SDK1: variants seen among roughly 807,000 people sequenced by gnomAD.
SDK1 encodes sidekick cell adhesion molecule 1.
SDK1 carries 157 observed loss-of-function variants against 245.5 expected under a neutral mutation model. The ratio of observed to expected loss-of-function variants is 0.64; its 90% CI spans 0.56 to 0.73. The LOEUF (loss-of-function observed/expected upper bound fraction) is 0.73, where lower values mean the gene tolerates loss of function less well. SDK1 is among the 30% of genes least tolerant of loss of function. The pLI, the probability that SDK1 is intolerant of heterozygous loss-of-function variation, is 0.00. For synonymous variants in SDK1, 1,647 were observed against 1,278.5 expected, an observed-to-expected ratio of 1.29 and a Z score of -6.15; for missense variants, 3,583 against 3,002.3, an observed-to-expected ratio of 1.19 and a Z score of -4.52.
intron 22 of SDK1, among the ~76,000 whole-genome samples, chr7:4,104,789 A>G (rs1346117938): frequency 6.6e-6 from 1 of 151,872 alleles, no homozygotes; most frequent in Non-Finnish European, 1.5e-5. Flanking sequence ...TGCAGCCTTG[A>G]CATCCTGGGC....
chr7:4,165,302 T>G (rs1057134631), intron 32 of SDK1, among the ~76,000 whole-genome samples: 13 of 152,066 alleles, frequency 8.5e-5, no homozygotes, highest in Non-Finnish European at 1.8e-4. Flanking sequence ...GAGGTTGCAG[T>G]GAGCCAAGAT....
intron 1 of SDK1, among the ~76,000 whole-genome samples, chr7:3,382,047 A>T (rs991334102): frequency 1.3e-5 from 2 of 152,166 alleles, no homozygotes; most frequent in African/African-American, 4.8e-5. Context: ...AAAAAGCTAA[A>T]CACCTTCCCT....
chr7:3,472,146 C>G (rs77070244), intron 1 of SDK1, among the ~76,000 whole-genome samples: 11 of 152,008 alleles, frequency 7.2e-5, no homozygotes, highest in Admixed American at 6.5e-4. Context: ...ATGCATAGTT[C>G]CCTCCATTAC....
intron 32 of SDK1, among the ~76,000 whole-genome samples, chr7:4,168,150 C>G (rs1009887339): frequency 1.3e-5 from 2 of 152,200 alleles, no homozygotes; most frequent in Non-Finnish European, 2.9e-5. Context: ...GAAGATGACA[C>G]CTGCTAGCAG....
At chr7:3,444,721 C>T (rs2128589688) in intron 1 of SDK1, among the ~76,000 whole-genome samples, 1 of 152,250 alleles carries the variant, frequency 6.6e-6, no homozygotes, top group Non-Finnish European at 1.5e-5. Flanking sequence ...TTCAGTAGGC[C>T]AGTCCCCAGC....
intron 1 of SDK1, among the ~76,000 whole-genome samples, chr7:3,490,747 G>A (rs1254632747): frequency 6.6e-6 from 1 of 152,162 alleles, no homozygotes; most frequent in Non-Finnish European, 1.5e-5. Flanking sequence ...GTGAGCCCCT[G>A]AGCTCCTGTC....
intron 4 of SDK1, among the ~76,000 whole-genome samples, chr7:3,773,405 C>CT (rs1462496561): frequency 6.6e-6 from 1 of 151,404 alleles, no homozygotes; most frequent in Non-Finnish European, 1.5e-5. Flanking sequence ...GGTTTTCTGT[C>CT]TTTATTTATA....
At chr7:3,660,931 T>A (rs763582109) in intron 4 of SDK1, among the ~76,000 whole-genome samples, 8 of 152,240 alleles carry the variant, frequency 5.3e-5, no homozygotes, top group Non-Finnish European at 1.2e-4. Flanking sequence ...GATATGTGTA[T>A]ACTTTAATAG....
chr7:3,820,913 T>C (rs1343500906), intron 4 of SDK1, among the ~76,000 whole-genome samples: 4 of 152,210 alleles, frequency 2.6e-5, no homozygotes, highest in Admixed American at 2.6e-4. Context: ...GGCCTGGAGT[T>C]AATAATGATG....
chr7:4,256,101 G>A (rs1259658981), intron 44 of SDK1, among the ~76,000 whole-genome samples: 1 of 151,968 alleles, frequency 6.6e-6, no homozygotes, highest in East Asian at 1.9e-4. Context: ...TGTATTTTTA[G>A]TAGAGACGGG....
At chr7:3,833,488 C>A (rs1437967451) in intron 5 of SDK1, among the ~76,000 whole-genome samples, 1 of 152,162 alleles carries the variant, frequency 6.6e-6, no homozygotes, top group Non-Finnish European at 1.5e-5. Context: ...TTCTTCCTTT[C>A]TAATCCTTAA....
At chr7:3,629,077 G>C (rs1316586605) in intron 2 of SDK1, among the ~76,000 whole-genome samples, 4 of 151,816 alleles carry the variant, frequency 2.6e-5, no homozygotes, top group African/African-American at 9.7e-5. Context: ...CAGATCACGA[G>C]GTCAGGTGAT....
At chr7:4,197,959 G>A (rs6462638) in intron 35 of SDK1, among the ~76,000 whole-genome samples, 75,752 of 152,066 alleles carry the variant, frequency 0.5, 20,028 homozygotes, top group African/African-American at 0.67. Flanking sequence ...AGATGGTTTC[G>A]GAGGGTCCTC....
chr7:3,347,407 T>G (rs1780537813), intron 1 of SDK1, among the ~76,000 whole-genome samples: 1 of 152,156 alleles, frequency 6.6e-6, no homozygotes, highest in Non-Finnish European at 1.5e-5. Flanking sequence ...GCTGTTGGTC[T>G]TACTATGCCT....
chr7:3,630,269 G>A (rs1782250048), intron 2 of SDK1, among the ~76,000 whole-genome samples: 1 of 151,980 alleles, frequency 6.6e-6, no homozygotes, highest in Non-Finnish European at 1.5e-5. Context: ...GTGCAATAAG[G>A]CAAGAAAAAG....
chr7:4,265,514 T>A lies in SDK1; in HGVS notation c.*130T>A, dbSNP rs1276863027. ...AAGAAAAAAATCTGATAAGTGATGA[T>A]TTTACCTACTTGTGGACACTAGATT... is the stretch of plus-strand genomic sequence containing the variant. On this transcript the variant is annotated 3_prime_UTR_variant, in exon 45 of 45. Transcript: ENST00000404826. 1.5e-6 allele frequency: 2 copies of A among 1,369,848 alleles called. No individual in the cohort carries two copies. The highest frequency in any genetic ancestry group is 2.9e-5 in the East Asian group (1 of 34,106). The allele number at this position is 1,369,848 out of a possible 1,614,324, so 84.9% of individuals were successfully genotyped here.
intron 1 of SDK1, among the ~76,000 whole-genome samples, chr7:3,605,109 A>C (rs911740912): frequency 3.9e-4 from 58 of 149,954 alleles, no homozygotes; most frequent in Non-Finnish European, 4.9e-4. Context: ...TATCTTGATT[A>C]ATGCTCTATA....
At chr7:4,153,275 T>A (rs945452971) in intron 30 of SDK1, among the ~76,000 whole-genome samples, 3 of 152,068 alleles carry the variant, frequency 2.0e-5, no homozygotes, top group South Asian at 4.1e-4. Context: ...TGTAATTTTT[T>A]AAAAATATCA....
chr7:3,975,944 C>T (rs996746190), intron 13 of SDK1, among the ~76,000 whole-genome samples: 3 of 139,624 alleles, frequency 2.1e-5, no homozygotes, highest in African/African-American at 7.9e-5. Context: ...GGTCCCGGGG[C>T]TGAGGCTGCC....
Sources: gnomAD v4.1 joint callset for allele counts (sites outside exome capture counted in the v4.1 genomes callset) on GRCh38, gnomAD v4.1.1 for gene constraint, MANE v1.5 for transcripts, NCBI Gene and HGNC (gene_info 2026-07-23, HGNC 2026-07-21) for gene names.